PSMA6: variants seen among roughly 807,000 people sequenced by gnomAD.
The protein encoded by PSMA6 is proteasome 20S subunit alpha 6.
For synonymous variants in PSMA6, 88 were observed against 97.7 expected, an observed-to-expected ratio of 0.90 and a Z score of 0.59; for missense variants, 170 against 294.8, an observed-to-expected ratio of 0.58 and a Z score of 3.10.
intron 6 of PSMA6, chr14:35,316,469 CTT>C (rs1298692332): frequency 6.6e-6 from 1 of 151,428 alleles, no homozygotes; most frequent in Non-Finnish European, 1.5e-5. Flanking sequence ...AGAATTATAA[CTT>C]TATTTTCATG....
chr14:35,305,517 A>T (rs2051805923), intron 1 of PSMA6, among the ~76,000 whole-genome samples: 1 of 152,188 alleles, frequency 6.6e-6, no homozygotes, highest in Non-Finnish European at 1.5e-5. Flanking sequence ...GCCATTTAGA[A>T]ATATTTGATG....
chr14:35,287,669 A>G (rs1271796013), upstream of PSMA6, among the ~76,000 whole-genome samples: 1 of 152,188 alleles, frequency 6.6e-6, no homozygotes, highest in Non-Finnish European at 1.5e-5. Flanking sequence ...CGAGATGTCA[A>G]GTCATCTCTA....
In PSMA6 at chr14:35,295,336, T is replaced by TA. The variant is rs57795237; in HGVS notation, c.76+2798dup. On this transcript the variant is annotated intron_variant, in intron 1 of 6. Transcript: ENST00000261479. Reference sequence around the variant, plus strand: ...CTGGGTGACAGAGCTAGACTCCATCTAAAAAAAAAAAAAAGTTGTAATGCC... The same window carrying TA: ...CTGGGTGACAGAGCTAGACTCCATCTAAAAAAAAAAAAAAAGTTGTAATGCC... Among the ~76,000 whole-genome samples the TA allele has an allele frequency of 7.7e-3, 1,056 of 137,468 alleles. 9 individuals are homozygous for TA. Among genetic ancestry groups the TA allele is most frequent in the African/African-American group, 0.022 (822 of 37,734 alleles). The allele number at this position is 137,468 out of a possible 152,430, so 90.2% of individuals were successfully genotyped here.
chr14:35,308,856 A>G, intron 2 of PSMA6, 58 bp from the exon 3 acceptor site: 1 of 1,274,146 alleles, frequency 7.8e-7, no homozygotes, highest in South Asian at 1.3e-5. Context: ...TTTTTTTATA[A>G]CTACACAGAA....
At chr14:35,292,305 T>A, upstream of PSMA6, 4 of 1,434,568 alleles carry the variant, frequency 2.8e-6, no homozygotes, top group Non-Finnish European at 3.7e-6. Context: ...GGGCGGGGCC[T>A]CAGAGCTCAG....
At chr14:35,313,154 C>T in intron 5 of PSMA6, 95 bp downstream of exon 5, 4 of 1,165,604 alleles carry the variant, frequency 3.4e-6, no homozygotes, top group Non-Finnish European at 4.7e-6. Flanking sequence ...TGAATTACAT[C>T]CCAGGATTCA....
upstream of PSMA6, chr14:35,292,209 T>TG: frequency 1.1e-6 from 1 of 934,214 alleles, no homozygotes; most frequent in South Asian, 2.9e-5. Flanking sequence ...ACGACCCAAG[T>TG]TTCACGTCTA....
chr14:35,288,530 C>T (rs961781212), upstream of PSMA6, among the ~76,000 whole-genome samples: 1 of 152,118 alleles, frequency 6.6e-6, no homozygotes, highest in African/African-American at 2.4e-5. Flanking sequence ...ACAACAACAA[C>T]AAAAACAGAT....
intron 1 of PSMA6, among the ~76,000 whole-genome samples, chr14:35,298,345 C>G (rs2051639365): frequency 6.6e-6 from 1 of 152,042 alleles, no homozygotes; most frequent in Non-Finnish European, 1.5e-5. Context: ...CAAAAATTAG[C>G]TGGGTGTGGT....
At chr14:35,309,326 A>G (rs1194786508) in intron 3 of PSMA6, among the ~76,000 whole-genome samples, 1 of 152,212 alleles carries the variant, frequency 6.6e-6, no homozygotes, top group East Asian at 1.9e-4. Flanking sequence ...TAATAATGGC[A>G]TCGGTTAGAA....
intron 1 of PSMA6, among the ~76,000 whole-genome samples, chr14:35,279,331 G>A (rs903650530): frequency 6.6e-6 from 1 of 152,142 alleles, no homozygotes; most frequent in African/African-American, 2.4e-5. Flanking sequence ...ACAGGCATGA[G>A]CCACTGCACT....
At chr14:35,309,822 C>T (rs190234894) in intron 3 of PSMA6, among the ~76,000 whole-genome samples, 20 of 151,900 alleles carry the variant, frequency 1.3e-4, no homozygotes, top group African/African-American at 3.9e-4. Flanking sequence ...TACCAAAAAA[C>T]TTAACCAGCT....
chr14:35,300,352 T>C (rs1425952091), intron 1 of PSMA6, among the ~76,000 whole-genome samples: 1 of 152,062 alleles, frequency 6.6e-6, no homozygotes, highest in Non-Finnish European at 1.5e-5. Flanking sequence ...ACACACCTGT[T>C]GTCCCACATA....
intron 1 of PSMA6, among the ~76,000 whole-genome samples, chr14:35,298,684 A>G (rs1467021973): frequency 6.6e-6 from 1 of 151,994 alleles, no homozygotes; most frequent in Non-Finnish European, 1.5e-5. Context: ...AATAAATATC[A>G]TTTTAAAATG....
chr14:35,308,691 C>T (rs2051880396), intron 2 of PSMA6: 2 of 438,596 alleles, frequency 4.6e-6, no homozygotes, highest in African/African-American at 2.0e-5. Flanking sequence ...TGCTTGTCCA[C>T]AGGAAAAGTA....
At position 35,308,031 on chromosome 14, in the gene PSMA6, A is replaced by G. The variant is rs1315208121; in HGVS notation, c.114A>G (p.Thr38=). 11 of 1,613,934 alleles carry G rather than the reference A, an allele frequency of 6.8e-6. No individual in the cohort carries two copies. Among genetic ancestry groups the G allele is most frequent in the African/African-American group, 1.3e-5 (1 of 74,932 alleles). ...AFKAINQGGL[T]SVAVRGKDCA... ...AGGCTATTAACCAGGGTGGCCTTAC[A>G]TCAGTAGCTGTCAGAGGGAAAGACT... The change falls in exon 2 of 7, where the codon ACA becomes ACG. Residue 38 remains threonine, a synonymous_variant. Transcript: ENST00000261479.
chr14:35,289,501 T>TTTG (rs972854905), upstream of PSMA6, among the ~76,000 whole-genome samples: 2 of 151,898 alleles, frequency 1.3e-5, no homozygotes, highest in East Asian at 1.9e-4. Context: ...CATGGCTTTT[T>TTTG]TTGTTGTTGT....
chr14:35,299,327 C>CTTT lies in PSMA6; in HGVS notation c.76+6786_76+6788dup, dbSNP rs71445906. ...TGTGAGCCGCCGCAGTGCCCAGCCT[C>CTTT]TTTTTTTTTTTTTGAGATGGAGTCT... On this transcript the variant is annotated intron_variant, in intron 1 of 6. Coordinates refer to ENST00000261479, the MANE Select transcript of PSMA6 (RefSeq NM_002791.3). Among the ~76,000 whole-genome samples, 8 of 66,008 alleles carry CTTT rather than the reference C, an allele frequency of 1.2e-4. 2 individuals are homozygous for CTTT. Among genetic ancestry groups the CTTT allele is most frequent in the Non-Finnish European group, 1.7e-4 (6 of 36,326 alleles). The allele number at this position is 66,008 out of a possible 152,430, so 43.3% of individuals were successfully genotyped here.
chr14:35,291,885 C>T (rs1483078477), upstream of PSMA6, among the ~76,000 whole-genome samples: 3 of 147,558 alleles, frequency 2.0e-5, no homozygotes, highest in Admixed American at 6.7e-5. Flanking sequence ...AAAAGAAGAT[C>T]TTGCCTGGCT....
Sources: gnomAD v4.1 joint callset for allele counts (sites outside exome capture counted in the v4.1 genomes callset) on GRCh38, gnomAD v4.1.1 for gene constraint, MANE v1.5 for transcripts, NCBI Gene and HGNC (gene_info 2026-07-23, HGNC 2026-07-21) for gene names.